The following PCOLCE2 variants were observed in gnomAD, a reference collection of about 807,000 sequenced individuals.
PCOLCE2 encodes procollagen C-proteinase enhancer 2.
Under a neutral mutation model 47.0 loss-of-function variants are expected in PCOLCE2, and 42 were observed. That is an observed-to-expected ratio of 0.89 (90% CI 0.70 to 1.16). The LOEUF is 1.16. PCOLCE2 is among the 50% of genes most tolerant of loss of function. The pLI is 0.00. For missense variants in PCOLCE2, 500 were observed against 526.1 expected (o/e 0.95, Z 0.49); for synonymous variants, 169 against 191.7 (o/e 0.88, Z 0.98).
chr3:142,864,551 T>C (rs1027597432), intron 2 of PCOLCE2: 2 of 152,218 alleles, frequency 1.3e-5, no homozygotes, highest in Non-Finnish European at 2.9e-5. Context: ...CATTTTAAAG[T>C]GTACATTTCA....
intron 3 of PCOLCE2, among the ~76,000 whole-genome samples, chr3:142,847,829 C>T (rs1392143930): frequency 6.6e-6 from 1 of 152,204 alleles, no homozygotes; most frequent in Non-Finnish European, 1.5e-5. Context: ...AGCCACCATG[C>T]CTGGGCTCCA....
chr3:142,825,835 T>A (rs1483222887), intron 6 of PCOLCE2, among the ~76,000 whole-genome samples: 6 of 152,116 alleles, frequency 3.9e-5, no homozygotes, highest in Non-Finnish European at 5.9e-5. Flanking sequence ...GAGAAATCTG[T>A]TTTTCCTGTG....
chr3:142,888,871 G>A lies in PCOLCE2; in HGVS notation c.26C>T (p.Pro9Leu). ...GGCGGCAGCCAGCAGCAGGCAGAGT[G>A]GCGCCCAGGCGTTCGCGCCCCTCAT... MRGANAWA[P>L]LCLLLAAATQ... is the part of the protein sequence containing the mutation. Residue 9 changes from proline (P) to leucine (L), a missense_variant, in exon 1 of 9, where the codon CCA (proline) becomes CTA (leucine). Transcript: ENST00000295992. 1 of 1,539,102 alleles carries A rather than the reference G, an allele frequency of 6.5e-7. No homozygotes were observed. Among genetic ancestry groups the A allele is most frequent in the Non-Finnish European group, 8.7e-7 (1 of 1,145,668 alleles).
At position 142,888,665 on chromosome 3, in the gene PCOLCE2, G is replaced by A; in HGVS notation, c.83+149C>T. The A allele has an allele frequency of 1.1e-5, 5 of 459,690 alleles. No homozygotes were observed. In the East Asian group the frequency reaches 1.8e-4, roughly 16 times the overall value. 28.5% of individuals were successfully genotyped at this position (459,690 alleles called of 1,614,324 possible). A position where few individuals can be genotyped will look rare whatever the true frequency, so the allele number is the denominator to read the frequency against. On this transcript the variant is annotated intron_variant, in intron 1 of 8. Coordinates refer to ENST00000295992, the MANE Select transcript of PCOLCE2 (RefSeq NM_013363.4). Reference sequence around the variant, plus strand: ...AGTCCCGGGCTTAGCCTACCCGAGGGTGGCGGACGCCTGCACCGCGCGGGA... The same window carrying A: ...AGTCCCGGGCTTAGCCTACCCGAGGATGGCGGACGCCTGCACCGCGCGGGA...
chr3:142,852,698 T>C (rs890944026), intron 2 of PCOLCE2, among the ~76,000 whole-genome samples: 1 of 149,126 alleles, frequency 6.7e-6, no homozygotes, highest in African/African-American at 2.4e-5. Context: ...TATGTATGTG[T>C]GTATATACAT....
intron 2 of PCOLCE2, among the ~76,000 whole-genome samples, chr3:142,868,169 G>C (rs916469558): frequency 6.6e-6 from 1 of 152,112 alleles, no homozygotes; most frequent in African/African-American, 2.4e-5. Flanking sequence ...CTAAGGAAAG[G>C]ATAAAGGTAA....
At chr3:142,870,533 A>AG (rs1356137068) in intron 2 of PCOLCE2, among the ~76,000 whole-genome samples, 1 of 152,152 alleles carries the variant, frequency 6.6e-6, no homozygotes, top group East Asian at 1.9e-4. Flanking sequence ...CTTTGACCAC[A>AG]GTTCAACCTC....
chr3:142,866,214 A>G lies in PCOLCE2; in HGVS notation c.193-17742T>C, dbSNP rs1213165806. Among the ~76,000 whole-genome samples, 7 of 152,190 alleles carry G rather than the reference A, an allele frequency of 4.6e-5. 1 individual carries two copies. Among genetic ancestry groups the G allele is most frequent in the Admixed American group, 4.6e-4 (7 of 15,284 alleles). On this transcript the variant is annotated intron_variant, in intron 2 of 8. Transcript: ENST00000295992. ...CAACAGTGTGGGTGCACGTCCTCCA[A>G]TCTGTTGAGGGCCCAAGTAGAACAA...
chr3:142,887,576 T>C (rs942461052), intron 2 of PCOLCE2, 93 bp downstream of exon 2: 1 of 697,174 alleles, frequency 1.4e-6, no homozygotes, highest in Non-Finnish European at 2.6e-6. Flanking sequence ...ATTTGCCTCT[T>C]ACTCAAATCC....
chr3:142,870,594 G>A (rs1365551796), intron 2 of PCOLCE2, among the ~76,000 whole-genome samples: 1 of 151,924 alleles, frequency 6.6e-6, no homozygotes, highest in African/African-American at 2.4e-5. Context: ...ATTTTGGTTC[G>A]GAATAATAGG....
chr3:142,841,777 T>C (rs570616774), intron 4 of PCOLCE2, among the ~76,000 whole-genome samples: 5 of 152,308 alleles, frequency 3.3e-5, no homozygotes, highest in East Asian at 3.9e-4. Context: ...TCAAGCTATA[T>C]GAAAGGTTAA....
intron 7 of PCOLCE2, 66 bp from the exon 8 acceptor site, chr3:142,821,111 A>G: frequency 8.0e-7 from 1 of 1,244,022 alleles, no homozygotes; most frequent in South Asian, 1.3e-5. Flanking sequence ...CTGAAAAACA[A>G]GTTTACATTC....
chr3:142,852,161 G>A (rs1932956505), intron 2 of PCOLCE2, among the ~76,000 whole-genome samples: 2 of 152,208 alleles, frequency 1.3e-5, no homozygotes, highest in Non-Finnish European at 2.9e-5. Flanking sequence ...CTGAAGGCCA[G>A]AGAGAAATTC....
rs182867052 is a variant in PCOLCE2 at position 142,849,091 on chromosome 3, T to C, written c.193-619A>G. 1.0e-3 allele frequency among the ~76,000 whole-genome samples: 153 copies of C among 151,638 alleles called. 1 individual carries two copies. In the East Asian group the frequency reaches 0.024, roughly 23 times the overall value. ...TGGCGTGAACCCGGGAGGCGGAGCT[T>C]GCAGTGAGCCGAGATCGCGCCACTG... is the stretch of plus-strand genomic sequence containing the variant. On this transcript the variant is annotated intron_variant, in intron 2 of 8. Transcript: ENST00000295992.
intron 3 of PCOLCE2, chr3:142,843,259 C>T (rs1937287828): frequency 4.7e-6 from 3 of 637,912 alleles, no homozygotes; most frequent in Non-Finnish European, 8.7e-6. Flanking sequence ...CATAGCATAG[C>T]AACACGAGAG....
intron 6 of PCOLCE2, chr3:142,827,802 C>T: frequency 3.4e-6 from 2 of 586,556 alleles, no homozygotes; most frequent in South Asian, 4.1e-5. Context: ...ATGGCATATC[C>T]ACTGGAAAAT....
At chr3:142,844,971 T>C (rs1467743747) in intron 3 of PCOLCE2, among the ~76,000 whole-genome samples, 1 of 152,208 alleles carries the variant, frequency 6.6e-6, no homozygotes, top group African/African-American at 2.4e-5. Context: ...CAACATATAG[T>C]TGGGTCTGGC....
rs1933521786 is a variant in PCOLCE2, at chr3:142,877,419, G to C, written c.192+10250C>G. Among the ~76,000 whole-genome samples, 2 of 152,196 alleles carry C rather than the reference G, an allele frequency of 1.3e-5. 1 individual carries two copies. Among genetic ancestry groups the C allele is most frequent in the South Asian group, 4.2e-4 (2 of 4,818 alleles). On this transcript the variant is annotated intron_variant, in intron 2 of 8. Coordinates refer to ENST00000295992, the MANE Select transcript of PCOLCE2 (RefSeq NM_013363.4). ...CCAGCTTGAAACAAGTTGGCTTGTAGACAAGTTCTGCACAAACACCACACT... is the reference window on the plus strand; with the variant it reads ...CCAGCTTGAAACAAGTTGGCTTGTACACAAGTTCTGCACAAACACCACACT...
At chr3:142,851,982 T>C (rs1285629309) in intron 2 of PCOLCE2, among the ~76,000 whole-genome samples, 1 of 152,200 alleles carries the variant, frequency 6.6e-6, no homozygotes, top group African/African-American at 2.4e-5. Flanking sequence ...AATGAAAATT[T>C]GAGAATGAGA....
Sources: gnomAD v4.1 joint callset for allele counts (sites outside exome capture counted in the v4.1 genomes callset) on GRCh38, gnomAD v4.1.1 for gene constraint, MANE v1.5 for transcripts, NCBI Gene and HGNC (gene_info 2026-07-23, HGNC 2026-07-21) for gene names.